TARS3: variants seen among roughly 807,000 people sequenced by gnomAD.
TARS3 encodes threonine--tRNA ligase 2, cytoplasmic.
Under a neutral mutation model 103.5 loss-of-function variants are expected in TARS3, and 94 were observed. The ratio of observed to expected loss-of-function variants is 0.91; its 90% confidence interval spans 0.77 to 1.08. TARS3 has a LOEUF of 1.08. Ranked by LOEUF, TARS3 falls within the 50% of genes least tolerant of loss-of-function variation. TARS3 has a pLI of 0.00. For synonymous variants in TARS3, 416 were observed against 355.4 expected (o/e 1.17, Z -1.92); for missense variants, 952 against 995.2 (o/e 0.96, Z 0.58).
chr15:101,686,915 A>G (rs988207603), intron 10 of TARS3, among the ~76,000 whole-genome samples: 1 of 151,866 alleles, frequency 6.6e-6, no homozygotes, highest in Admixed American at 6.6e-5. Flanking sequence ...CTTTGAGCAC[A>G]TTTGAAAAAC....
At chr15:101,669,504 C>T (rs1214959515) in intron 15 of TARS3, among the ~76,000 whole-genome samples, 2 of 152,194 alleles carry the variant, frequency 1.3e-5, no homozygotes, top group Non-Finnish European at 2.9e-5. Flanking sequence ...TCGGCCTTCA[C>T]ATATACTTAC....
chr15:101,721,975 T>C (rs951052625), intron 2 of TARS3, among the ~76,000 whole-genome samples: 2 of 152,238 alleles, frequency 1.3e-5, no homozygotes, highest in Non-Finnish European at 2.9e-5. Context: ...TGTAAGCTAA[T>C]CTAAGTGTTC....
intron 15 of TARS3, among the ~76,000 whole-genome samples, 196 bp downstream of exon 15, chr15:101,671,290 C>T (rs2141390865): frequency 6.6e-6 from 1 of 152,278 alleles, no homozygotes; most frequent in South Asian, 2.1e-4. Context: ...CTCATGTTTA[C>T]TTATCTTCCT....
chr15:101,659,335 C>A (rs1348590140), intron 16 of TARS3, among the ~76,000 whole-genome samples: 1 of 152,140 alleles, frequency 6.6e-6, no homozygotes, highest in Non-Finnish European at 1.5e-5. Context: ...CAAAACAATA[C>A]ATGATAAATG....
intron 10 of TARS3, among the ~76,000 whole-genome samples, chr15:101,691,231 G>A (rs914710952): frequency 1.1e-4 from 17 of 151,658 alleles, no homozygotes; most frequent in African/African-American, 3.1e-4. Flanking sequence ...GAGCCACTGC[G>A]CCCGGCCAAT....
At chr15:101,678,740 G>T (rs1238595315) in intron 12 of TARS3, among the ~76,000 whole-genome samples, 2 of 152,072 alleles carry the variant, frequency 1.3e-5, no homozygotes, top group Non-Finnish European at 2.9e-5. Context: ...AAAATATATT[G>T]TATTTACCTG....
chr15:101,711,681 T>C (rs1344565137), intron 5 of TARS3, among the ~76,000 whole-genome samples, 199 bp downstream of exon 5: 1 of 152,256 alleles, frequency 6.6e-6, no homozygotes, highest in Non-Finnish European at 1.5e-5. Flanking sequence ...CATTAAGGCG[T>C]CTAGCTAACA....
chr15:101,704,117 C>T (rs1899421250), intron 7 of TARS3, among the ~76,000 whole-genome samples, 180 bp from the exon 8 acceptor site: 1 of 152,150 alleles, frequency 6.6e-6, no homozygotes, highest in African/African-American at 2.4e-5. Flanking sequence ...ACTCTGCCCT[C>T]TAGATTCAAA....
At chr15:101,694,900 G>A (rs895258646) in intron 10 of TARS3, among the ~76,000 whole-genome samples, 1 of 152,152 alleles carries the variant, frequency 6.6e-6, no homozygotes, top group Non-Finnish European at 1.5e-5. Flanking sequence ...GGGGAGGCAG[G>A]CATGGAAATT....
intron 15 of TARS3, among the ~76,000 whole-genome samples, chr15:101,665,788 G>T (rs1897557046): frequency 6.6e-6 from 1 of 152,140 alleles, no homozygotes; most frequent in South Asian, 2.1e-4. Flanking sequence ...TTTGCTCTTT[G>T]AAAGGGCTAA....
At chr15:101,688,800 T>C (rs1898582486) in intron 10 of TARS3, among the ~76,000 whole-genome samples, 2 of 152,190 alleles carry the variant, frequency 1.3e-5, no homozygotes, top group Admixed American at 1.3e-4. Flanking sequence ...AAATTGGCAG[T>C]GGGAGAAACC....
At chr15:101,678,136 C>T (rs1330023195) in intron 12 of TARS3, among the ~76,000 whole-genome samples, 1 of 151,960 alleles carries the variant, frequency 6.6e-6, no homozygotes, top group East Asian at 1.9e-4. Flanking sequence ...TGTGCCACCA[C>T]ACCCAGCTAA....
chr15:101,714,663 G>T, intron 4 of TARS3, 177 bp downstream of exon 4: 13 of 251,826 alleles, frequency 5.2e-5, no homozygotes, highest in Non-Finnish European at 8.6e-5. Context: ...TTTAAAAACT[G>T]ACATGTATTT....
intron 11 of TARS3, among the ~76,000 whole-genome samples, chr15:101,685,037 G>A (rs1898409167): frequency 6.6e-6 from 1 of 152,126 alleles, no homozygotes; most frequent in South Asian, 2.1e-4. Context: ...ACATACCGGT[G>A]TTCCTAAAAT....
chr15:101,709,260 T>A (rs1306043745), intron 5 of TARS3, among the ~76,000 whole-genome samples: 3 of 152,254 alleles, frequency 2.0e-5, no homozygotes, highest in Non-Finnish European at 4.4e-5. Flanking sequence ...GCAGTGCTCA[T>A]CACGTCCCTG....
chr15:101,705,920 C>T (rs1040670933), intron 6 of TARS3, among the ~76,000 whole-genome samples, 173 bp from the exon 7 acceptor site: 1 of 152,170 alleles, frequency 6.6e-6, no homozygotes, highest in African/African-American at 2.4e-5. Flanking sequence ...ATGGAGGCCA[C>T]AAGCCACGTG....
intron 18 of TARS3, among the ~76,000 whole-genome samples, chr15:101,655,711 C>G (rs529634900): frequency 6.8e-6 from 1 of 146,442 alleles, no homozygotes. Flanking sequence ...CAAATGAGAG[C>G]GGGGAGCTCT....
chr15:101,657,506 G>T (rs1216430623), intron 17 of TARS3, among the ~76,000 whole-genome samples: 1 of 152,224 alleles, frequency 6.6e-6, no homozygotes, highest in African/African-American at 2.4e-5. Flanking sequence ...GGTCACTTGT[G>T]ACACAGCAAC....
Position 101,657,804 on chromosome 15 carries a change from C to A in TARS3, c.2126G>T (p.Cys709Phe), listed in dbSNP as rs142551730. The change falls in exon 17 of 19, where the codon TGT (cysteine) becomes TTT (phenylalanine). Residue 709 changes from cysteine to phenylalanine, a missense_variant. Transcript: ENST00000335968. The part of the protein sequence containing the change: ...QVMVIPVGPT[C>F]EKYALQVSSE... ...TTTTACCTGAAGTGCATATTTTTCACAAGTTGGCCCCACAGGGATGACCAT... is the reference window on the plus strand; with the variant it reads ...TTTTACCTGAAGTGCATATTTTTCAAAAGTTGGCCCCACAGGGATGACCAT... 1 of 1,609,428 alleles carries A rather than the reference C, an allele frequency of 6.2e-7. No individual in the cohort carries two copies. Among genetic ancestry groups the A allele is most frequent in the Non-Finnish European group, 8.5e-7 (1 of 1,177,452 alleles).
Sources: gnomAD v4.1 joint callset for allele counts (sites outside exome capture counted in the v4.1 genomes callset) on GRCh38, gnomAD v4.1.1 for gene constraint, MANE v1.5 for transcripts, NCBI Gene and HGNC (gene_info 2026-07-23, HGNC 2026-07-21) for gene names.